Variants in CCDC138 observed in about 807,000 individuals in gnomAD.
The protein encoded by CCDC138 is coiled-coil domain-containing protein 138.
In CCDC138, 66 loss-of-function variants were observed where a neutral mutation model predicts 82.3. The ratio of observed to expected loss-of-function variants is 0.80; its 90% confidence interval spans 0.66 to 0.98. The LOEUF is 0.98. Ranked by LOEUF, CCDC138 falls within the 50% of genes least tolerant of loss-of-function variation. The probability of loss-of-function intolerance (pLI) is 0.00; values close to 1 mark genes in which losing one functional copy is unlikely to be tolerated. For synonymous variants in CCDC138, 297 were observed against 265.4 expected, an observed-to-expected ratio of 1.12 and a Z score of -1.16; for missense variants, 816 against 758.9, an observed-to-expected ratio of 1.08 and a Z score of -0.88.
rs1558777174 is a variant in CCDC138, at chr2:108,876,104, T to C, written c.1849T>C (p.Phe617Leu). The change falls in exon 15 of 15, where the codon TTT (phenylalanine) becomes CTT (leucine). Residue 617 changes from phenylalanine (F) to leucine (L), a missense_variant. Coordinates refer to ENST00000295124, the MANE Select transcript of CCDC138 (RefSeq NM_144978.3). ...LSKIKSNKKL[F>L]ELFTIHLMLQ... ...TTTTTACAGGAGTAATAAGAAGCTC[T>C]TTGAACTTTTTACGATTCATCTGAT... The C allele has an allele frequency of 1.3e-6, 2 of 1,595,650 alleles. No individual in the cohort carries two copies. Among genetic ancestry groups the C allele is most frequent in the Non-Finnish European group, 1.7e-6 (2 of 1,164,140 alleles).
chr2:108,863,262 A>G (rs1693907135), intron 13 of CCDC138, among the ~76,000 whole-genome samples: 1 of 152,228 alleles, frequency 6.6e-6, no homozygotes. Context: ...CAATATTTCT[A>G]ACAAAGCACC....
chr2:108,849,813 A>C (rs377393286), intron 12 of CCDC138, among the ~76,000 whole-genome samples: 12 of 152,192 alleles, frequency 7.9e-5, no homozygotes, highest in Admixed American at 7.9e-4. Flanking sequence ...GTGTTCATCT[A>C]CTACCTGGGG....
At chr2:108,878,012 G>A (rs1218661650), downstream of CCDC138, among the ~76,000 whole-genome samples, 1 of 152,106 alleles carries the variant, frequency 6.6e-6, no homozygotes, top group Non-Finnish European at 1.5e-5. Flanking sequence ...TGAAGACAAT[G>A]GAATGACAGC....
intron 7 of CCDC138, among the ~76,000 whole-genome samples, chr2:108,812,278 A>T (rs141408382): frequency 6.7e-4 from 102 of 152,280 alleles, no homozygotes; most frequent in African/African-American, 2.2e-3. Flanking sequence ...AATCCCAGTT[A>T]TAGCTCATTG....
At chr2:108,790,985 C>T (rs1185195918) in intron 3 of CCDC138, among the ~76,000 whole-genome samples, 1 of 152,044 alleles carries the variant, frequency 6.6e-6, no homozygotes, top group Non-Finnish European at 1.5e-5. Flanking sequence ...TGATCTTGAA[C>T]TCCTGGGCTC....
chr2:108,787,611 G>GGGTC lies in CCDC138; in HGVS notation c.94-421_94-420insGGTC, dbSNP rs1679112744. Among the ~76,000 whole-genome samples, 6 of 152,204 alleles carry GGGTC rather than the reference G, an allele frequency of 3.9e-5. No individual in the cohort carries two copies. In the South Asian group the frequency reaches 1.2e-3, roughly 32 times the overall value. Reference sequence around the variant, plus strand: ...CCTTTTATAGGAAAATTTTTTCCTAGTGCAGATCCGACCCAAGAACGAGCA... The same window carrying GGGTC: ...CCTTTTATAGGAAAATTTTTTCCTAGGGTCTGCAGATCCGACCCAAGAACGAGCA... On this transcript the variant is annotated intron_variant, in intron 1 of 14. Coordinates refer to ENST00000295124, the MANE Select transcript of CCDC138 (RefSeq NM_144978.3).
chr2:108,812,530 G>A, intron 7 of CCDC138, 101 bp from the exon 8 acceptor site: 2 of 815,056 alleles, frequency 2.5e-6, no homozygotes, highest in Non-Finnish European at 4.1e-6. Flanking sequence ...TTGTTACATT[G>A]GTTAGTAATA....
rs367763777 is a variant in CCDC138 at position 108,800,873 on chromosome 2, C to T, written c.735+2287C>T. Among the ~76,000 whole-genome samples the T allele has an allele frequency of 2.6e-4, 31 of 121,070 alleles. No homozygotes were observed. The East Asian group carries it at 5.7e-3, about 22-fold the overall frequency. The allele number at this position is 121,070 out of a possible 152,430, so 79.4% of individuals were successfully genotyped here. ...ATTCCCACCTATGAGTGAGAATATG[C>T]GGTGTTTGGTTTTTTGTTCTTGCGA... On this transcript the variant is annotated intron_variant, in intron 6 of 14. Coordinates refer to ENST00000295124, the MANE Select transcript of CCDC138 (RefSeq NM_144978.3).
At position 108,876,216 on chromosome 2, in the gene CCDC138, CAAAATGT is replaced by C. The variant is rs1397742691; in HGVS notation, c.1964_1970del (p.Lys655ThrfsTer17). 3 of 1,612,812 alleles carry C rather than the reference CAAAATGT, an allele frequency of 1.9e-6. No individual in the cohort carries two copies. The highest frequency in any genetic ancestry group is 2.5e-6 in the Non-Finnish European group (3 of 1,179,240). On this transcript the variant is annotated frameshift_variant, in exon 15 of 15. Transcript: ENST00000295124. LOFTEE classifies it high-confidence loss of function. ...TCAACTCTGTTCAATCTGGGTTTAACAAAATGTAACTCCCTGGTCTCCAGTGCAAGCC... is the reference window on the plus strand; with the variant it reads ...TCAACTCTGTTCAATCTGGGTTTAACAACTCCCTGGTCTCCAGTGCAAGCC...
At chr2:108,811,579 T>G (rs1307125705) in intron 7 of CCDC138, among the ~76,000 whole-genome samples, 3 of 151,964 alleles carry the variant, frequency 2.0e-5, no homozygotes, top group Non-Finnish European at 1.5e-5. Context: ...GGTTTGTTGG[T>G]TTTTTTATTT....
At chr2:108,859,498 C>A (rs551359185) in intron 13 of CCDC138, among the ~76,000 whole-genome samples, 1 of 152,208 alleles carries the variant, frequency 6.6e-6, no homozygotes, top group South Asian at 2.1e-4. Context: ...AAGAGTATTT[C>A]CTAGATTTTC....
At chr2:108,871,088 C>T (rs899156351) in intron 13 of CCDC138, among the ~76,000 whole-genome samples, 3 of 151,918 alleles carry the variant, frequency 2.0e-5, no homozygotes, top group East Asian at 1.9e-4. Context: ...ATTTTAGACA[C>T]GTTCCTATGG....
chr2:108,881,555 T>C (rs1600195), downstream of CCDC138, among the ~76,000 whole-genome samples: 132,869 of 152,274 alleles, frequency 0.87, 58,354 homozygotes, highest in East Asian at 1. Flanking sequence ...GAGGCCTAGC[T>C]TTCAGCTTTT....
rs1178375340 is a variant in CCDC138 at position 108,846,945 on chromosome 2, G to A, written c.1516+15G>A. ...AGTCACTCAAGGTAAGCTTTCAATT[G>A]TACTTATGGTTAATTTTGAGAAACA... On this transcript the variant is annotated intron_variant, in intron 12 of 14. Transcript: ENST00000295124. 3.7e-6 allele frequency: 5 copies of A among 1,368,336 alleles called. No homozygotes were observed. The highest frequency in any genetic ancestry group is 5.1e-6 in the Non-Finnish European group (5 of 972,122). The allele number at this position is 1,368,336 out of a possible 1,614,324, so 84.8% of individuals were successfully genotyped here.
intron 7 of CCDC138, among the ~76,000 whole-genome samples, chr2:108,807,075 A>G (rs933526217): frequency 1.3e-5 from 2 of 152,228 alleles, no homozygotes; most frequent in African/African-American, 2.4e-5. Context: ...CTTTCATTCT[A>G]TACAAAATTA....
chr2:108,832,898 G>A (rs113378596), intron 10 of CCDC138, among the ~76,000 whole-genome samples: 3 of 152,118 alleles, frequency 2.0e-5, no homozygotes, highest in African/African-American at 7.2e-5. Context: ...AACTATACTG[G>A]CAAGTTTGAA....
chr2:108,831,418 G>A (rs1687593497), intron 10 of CCDC138, among the ~76,000 whole-genome samples: 2 of 152,082 alleles, frequency 1.3e-5, no homozygotes, highest in Admixed American at 6.6e-5. Context: ...ATAAGAAAAA[G>A]TACTTTTTTA....
At chr2:108,820,071 A>G (rs1318960657) in intron 10 of CCDC138, among the ~76,000 whole-genome samples, 2 of 151,006 alleles carry the variant, frequency 1.3e-5, no homozygotes, top group Non-Finnish European at 2.9e-5. Flanking sequence ...AGCAGACTTC[A>G]TTACGCAGAA....
At chr2:108,849,518 C>T (rs527511594) in intron 12 of CCDC138, among the ~76,000 whole-genome samples, 2 of 152,242 alleles carry the variant, frequency 1.3e-5, no homozygotes, top group South Asian at 2.1e-4. Flanking sequence ...ATCACCTCTC[C>T]CTAGACCACA....
Sources: gnomAD v4.1 joint callset for allele counts (sites outside exome capture counted in the v4.1 genomes callset) on GRCh38, gnomAD v4.1.1 for gene constraint, MANE v1.5 for transcripts, NCBI Gene and HGNC (gene_info 2026-07-23, HGNC 2026-07-21) for gene names.